STRA6: variants seen among roughly 807,000 people sequenced by gnomAD.
STRA6 encodes the protein receptor for retinol uptake STRA6.
Under a neutral mutation model 83.6 loss-of-function variants are expected in STRA6, and 48 were observed. The ratio of observed to expected loss-of-function variants is 0.57; its 90% CI spans 0.46 to 0.73. The LOEUF (loss-of-function observed/expected upper bound fraction) is 0.73. Among genes scored for constraint, STRA6 ranks in the 30% least tolerant of loss-of-function variants. The probability of loss-of-function intolerance (pLI) is 0.00; values close to 1 mark genes in which losing one functional copy is unlikely to be tolerated. For missense variants in STRA6, 760 were observed against 838.8 expected (o/e 0.91, Z 1.16); for synonymous variants, 353 against 362.3 (o/e 0.97, Z 0.29).
intron 18 of STRA6, among the ~76,000 whole-genome samples, chr15:74,180,538 G>A (rs1040398783): frequency 6.6e-6 from 1 of 152,190 alleles, no homozygotes; most frequent in Admixed American, 6.5e-5. Context: ...CAGTGACGGA[G>A]CCCCTTAGGA....
chr15:74,181,821 C>G (rs2073007526), intron 16 of STRA6, among the ~76,000 whole-genome samples: 1 of 152,144 alleles, frequency 6.6e-6, no homozygotes, highest in South Asian at 2.1e-4. Context: ...AAGGTTCTCC[C>G]ACAGACTTGT....
Position 74,197,781 on chromosome 15 carries a change from G to A in STRA6, c.151C>T (p.Leu51=). 6.2e-7 allele frequency: 1 copy of A among 1,613,712 alleles called. No individual in the cohort carries two copies. The highest frequency in any genetic ancestry group is 8.5e-7 in the Non-Finnish European group (1 of 1,180,034). The change falls in exon 3 of 19, where the codon CTG becomes TTG. Residue 51 remains leucine, a synonymous_variant. Transcript: ENST00000395105. Reference sequence around the variant, plus strand: ...AGCGAGGCCAGGCAGGCGTGGTACAGGCCGGGTGGTATGCTGGTGTGGCAG... The same window carrying A: ...AGCGAGGCCAGGCAGGCGTGGTACAAGCCGGGTGGTATGCTGGTGTGGCAG... ...PSCHTSIPPG[L]YHACLASLSI...
In STRA6 at chr15:74,180,180, C is replaced by G. The variant is rs761535807; in HGVS notation, c.1904G>C (p.Gly635Ala). Residue 635 changes from glycine to alanine, a missense_variant, in exon 19 of 19, where the codon GGC becomes GCC. Coordinates refer to ENST00000395105, the MANE Select transcript of STRA6 (RefSeq NM_022369.4). ...GTAGGCCAGACCCCAGCGAGCCCTG[C>G]CGCGGCTGGCCCCGGGCCTAGCTCC... ...AKGARPGASR[G>A]RARWGLAYTL... is the part of the protein sequence containing the mutation. 1.2e-6 allele frequency: 2 copies of G among 1,613,864 alleles called. No homozygotes were observed. The highest frequency in any genetic ancestry group is 1.7e-6 in the Non-Finnish European group (2 of 1,179,996).
At chr15:74,197,459 C>G (rs1395435341) in intron 3 of STRA6, 36 bp from the exon 4 acceptor site, 9 of 1,510,908 alleles carry the variant, frequency 6.0e-6, no homozygotes, top group Non-Finnish European at 8.1e-6. Context: ...TTGGGGTGCC[C>G]AGGCCTCCCC....
intron 12 of STRA6, among the ~76,000 whole-genome samples, chr15:74,185,436 G>C (rs962102734): frequency 6.6e-6 from 1 of 152,220 alleles, no homozygotes; most frequent in African/African-American, 2.4e-5. Context: ...CCATTTGCTC[G>C]TGAACATACC....
In STRA6 at chr15:74,179,730, G is replaced by A. The variant is rs895277392; in HGVS notation, c.*350C>T. 11 of 245,486 alleles carry A rather than the reference G, an allele frequency of 4.5e-5. No homozygotes were observed. The highest frequency in any genetic ancestry group is 1.3e-4 in the African/African-American group (6 of 45,146). The allele number at this position is 245,486 out of a possible 1,614,324, so 15.2% of individuals were successfully genotyped here. On this transcript the variant is annotated 3_prime_UTR_variant, in exon 19 of 19. Coordinates refer to ENST00000395105, the MANE Select transcript of STRA6 (RefSeq NM_022369.4). ...GCCAAGGCTGAGGTGGAGCTGGGCT[G>A]GAGTGGTTCCAGAGAAGGCTTCATC...
chr15:74,204,698 C>T (rs1044038148), upstream of STRA6, among the ~76,000 whole-genome samples: 6 of 152,132 alleles, frequency 3.9e-5, no homozygotes, highest in Non-Finnish European at 5.9e-5. Context: ...TTTGGGAGGC[C>T]GAGGCAGGTG....
At chr15:74,201,582 C>T (rs1278941275) in intron 2 of STRA6, among the ~76,000 whole-genome samples, 1 of 152,162 alleles carries the variant, frequency 6.6e-6, no homozygotes, top group Admixed American at 6.5e-5. Context: ...CCTGGGCTGG[C>T]CTGAGCACTT....
chr15:74,181,149 G>A, intron 17 of STRA6, 146 bp downstream of exon 17: 1 of 1,374,954 alleles, frequency 7.3e-7, no homozygotes, highest in Non-Finnish European at 1.0e-6. Context: ...GCCACAGGAG[G>A]CACAGCGCAG....
intron 16 of STRA6, 42 bp downstream of exon 16, chr15:74,182,119 G>A (rs1329763018): frequency 1.3e-6 from 2 of 1,544,868 alleles, no homozygotes; most frequent in Non-Finnish European, 1.8e-6. Flanking sequence ...CCGAAGAAGA[G>A]GCGAGGGCCT....
At chr15:74,207,218 A>C (rs2074278822), upstream of STRA6, among the ~76,000 whole-genome samples, 1 of 152,224 alleles carries the variant, frequency 6.6e-6, no homozygotes, top group African/African-American at 2.4e-5. Context: ...GCTTAGAAGA[A>C]GCTAACAGCA....
rs886051475 is a variant in STRA6 at position 74,189,126 on chromosome 15, C to A, written c.1079G>T (p.Trp360Leu). Residue 360 changes from tryptophan to leucine, a missense_variant, in exon 12 of 19, where the codon TGG becomes TTG. By Grantham distance (61) the Trp-to-Leu change is moderately conservative. Coordinates refer to ENST00000395105, the MANE Select transcript of STRA6 (RefSeq NM_022369.4). ...EVVELVKHHL[W>L]ALEVCYISAL... ...CCTGGAGGCCTCACCTTCCAGAGCC[C>A]ACAGATGGTGCTTCACCAGCTCCAC... 3 of 1,614,138 alleles carry A rather than the reference C, an allele frequency of 1.9e-6. No individual in the cohort carries two copies. The highest frequency in any genetic ancestry group is 2.5e-6 in the Non-Finnish European group (3 of 1,180,026).
At chr15:74,190,794 G>A in intron 11 of STRA6, 46 bp downstream of exon 11, 1 of 1,613,664 alleles carries the variant, frequency 6.2e-7, no homozygotes, top group Non-Finnish European at 8.5e-7. Context: ...TGGGGGTTGA[G>A]GGCAGGGCTC....
intron 8 of STRA6, chr15:74,191,959 T>A (rs2073565566): frequency 4.4e-6 from 1 of 228,002 alleles, no homozygotes. Flanking sequence ...ATCACAAGGG[T>A]GACCAGATTT....
At chr15:74,199,091 G>T (rs969754849) in intron 2 of STRA6, among the ~76,000 whole-genome samples, 13 of 152,212 alleles carry the variant, frequency 8.5e-5, no homozygotes, top group Non-Finnish European at 1.5e-4. Flanking sequence ...GGTCTGGTGG[G>T]CGAGGGCCTG....
rs541696703 is a variant in STRA6, at chr15:74,198,316, G to T, written c.114-498C>A. Reference sequence around the variant, plus strand: ...AGTAGAGACAGGGCCTCACCATGTCGCCCAGGCTGGTCTTGGATTTCTGAG... The same window carrying T: ...AGTAGAGACAGGGCCTCACCATGTCTCCCAGGCTGGTCTTGGATTTCTGAG... On this transcript the variant is annotated intron_variant, in intron 2 of 18. Coordinates refer to ENST00000395105, the MANE Select transcript of STRA6 (RefSeq NM_022369.4). 6.8e-4 allele frequency among the ~76,000 whole-genome samples: 103 copies of T among 151,962 alleles called. 1 individual carries two copies. Among genetic ancestry groups the T allele is most frequent in the African/African-American group, 2.4e-3 (100 of 41,432 alleles).
intron 7 of STRA6, 92 bp from the exon 8 acceptor site, chr15:74,194,014 CCT>C: frequency 6.4e-7 from 1 of 1,574,410 alleles, no homozygotes; most frequent in Non-Finnish European, 8.7e-7. Flanking sequence ...CACACTGGGC[CCT>C]GAGGGTGGTC....
Position 74,196,139 on chromosome 15 carries a change from T to C in STRA6, c.275A>G (p.Asp92Gly). The C allele has an allele frequency of 3.1e-6, 5 of 1,613,602 alleles. No individual in the cohort carries two copies. The highest frequency in any genetic ancestry group is 4.2e-6 in the Non-Finnish European group (5 of 1,179,946). ...RGRPGLPSPV[D>G]FLAGDRPRAV... ...CCGGGGCCTGTCCCCAGCCAAGAAA[T>C]CCACAGGGCTAGCACAGAGGCAAGG... Residue 92 changes from aspartate to glycine, a missense_variant, in exon 5 of 19, where the codon GAT becomes GGT. Transcript: ENST00000395105.
chr15:74,207,566 G>T, upstream of STRA6: 2 of 868,514 alleles, frequency 2.3e-6, no homozygotes, highest in Admixed American at 2.2e-5. Flanking sequence ...CTCAGCCCTT[G>T]ACTCTGAGTC....
Sources: gnomAD v4.1 joint callset for allele counts (sites outside exome capture counted in the v4.1 genomes callset) on GRCh38, gnomAD v4.1.1 for gene constraint, MANE v1.5 for transcripts, NCBI Gene and HGNC (gene_info 2026-07-23, HGNC 2026-07-21) for gene names.